The following PTPRM variants were observed in gnomAD, a reference collection of about 807,000 sequenced individuals.
PTPRM encodes protein tyrosine phosphatase receptor type M.
A neutral mutation model predicts 186.7 loss-of-function variants in PTPRM; 47 were observed. The observed-to-expected ratio is 0.25, with a 90% CI of 0.20 to 0.32. The LOEUF (loss-of-function observed/expected upper bound fraction) is 0.32. PTPRM is among the 10% of genes least tolerant of loss of function. The pLI, the probability that PTPRM is intolerant of heterozygous loss-of-function variation, is 1.00. For synonymous variants in PTPRM, 668 were observed against 674.9 expected, an observed-to-expected ratio of 0.99 and a Z score of 0.16; for missense variants, 1,494 against 1,865.0, an observed-to-expected ratio of 0.80 and a Z score of 3.66.
rs1386601013 is a variant in PTPRM at position 8,062,286 on chromosome 18, C to G, written c.1133-7400C>G. On this transcript the variant is annotated intron_variant, in intron 7 of 32. Transcript: ENST00000580170. ...GCTTCTGCATTCTTCACGTAGTTCT[C>G]GAGCCTTGGTTTTCAGCTCCATCAG... Among the ~76,000 whole-genome samples, 7 of 64,630 alleles carry G rather than the reference C, an allele frequency of 1.1e-4. 3 individuals carry two copies. Among genetic ancestry groups the G allele is most frequent in the Non-Finnish European group, 2.2e-4 (7 of 31,996 alleles). 42.4% of individuals were successfully genotyped at this position (64,630 alleles called of 152,430 possible).
chr18:8,013,354 C>G (rs1405923967), intron 7 of PTPRM, among the ~76,000 whole-genome samples: 1 of 152,060 alleles, frequency 6.6e-6, no homozygotes, highest in Non-Finnish European at 1.5e-5. Context: ...CTACTGTTGA[C>G]CAGAAGCCTT....
chr18:7,857,349 A>G (rs149872061), intron 2 of PTPRM, among the ~76,000 whole-genome samples: 1 of 152,334 alleles, frequency 6.6e-6, no homozygotes, highest in African/African-American at 2.4e-5. Context: ...GTTTTAAAAT[A>G]TGTAGCCTGC....
chr18:8,344,474 A>ATATATATATATATATATATC (rs1318982857), intron 23 of PTPRM, among the ~76,000 whole-genome samples: 55 of 147,284 alleles, frequency 3.7e-4, no homozygotes, highest in African/African-American at 1.3e-3. Context: ...ATATATATAT[A>ATATATATATATATATATATC]TCTAGCAAAA....
intron 14 of PTPRM, among the ~76,000 whole-genome samples, chr18:8,207,165 C>T (rs1375944537): frequency 6.6e-6 from 1 of 152,076 alleles, no homozygotes; most frequent in African/African-American, 2.4e-5. Context: ...AGTGGGACAG[C>T]CGAGGTCATG....
chr18:8,339,100 A>G (rs1023895507), intron 22 of PTPRM, among the ~76,000 whole-genome samples: 6 of 152,088 alleles, frequency 3.9e-5, no homozygotes, highest in African/African-American at 1.4e-4. Context: ...TAGAGAACTC[A>G]TCTTATACAA....
chr18:7,796,967 C>T (rs544562852), intron 2 of PTPRM, among the ~76,000 whole-genome samples: 1 of 152,316 alleles, frequency 6.6e-6, no homozygotes, highest in South Asian at 2.1e-4. Context: ...TTATATTTCA[C>T]ATCTGTGACA....
intron 5 of PTPRM, among the ~76,000 whole-genome samples, chr18:7,944,867 A>T (rs1185847266): frequency 6.6e-6 from 1 of 152,190 alleles, no homozygotes; most frequent in Non-Finnish European, 1.5e-5. Flanking sequence ...TGCACTGACA[A>T]CATCTCCAGG....
chr18:8,381,772 A>T (rs2148515990), intron 29 of PTPRM, among the ~76,000 whole-genome samples: 1 of 152,330 alleles, frequency 6.6e-6, no homozygotes, highest in East Asian at 1.9e-4. Flanking sequence ...CACGGCCGAA[A>T]TTTCACTAAT....
intron 3 of PTPRM, among the ~76,000 whole-genome samples, chr18:7,905,862 C>T (rs2049952843): frequency 6.6e-6 from 1 of 152,148 alleles, no homozygotes; most frequent in Non-Finnish European, 1.5e-5. Flanking sequence ...CCAGTGTGGT[C>T]AGAGAGTTAC....
intron 32 of PTPRM, among the ~76,000 whole-genome samples, chr18:8,401,741 G>T (rs1294832367): frequency 2.0e-5 from 3 of 152,258 alleles, no homozygotes; most frequent in Non-Finnish European, 4.4e-5. Flanking sequence ...CCGCCCGCTG[G>T]TGTGCTGGCC....
At chr18:8,368,918 A>T (rs551063233) in intron 23 of PTPRM, among the ~76,000 whole-genome samples, 1 of 152,206 alleles carries the variant, frequency 6.6e-6, no homozygotes, top group Non-Finnish European at 1.5e-5. Flanking sequence ...GTTTACAGTC[A>T]AACAGTGCAA....
chr18:7,951,938 T>A (rs1231265183), intron 6 of PTPRM, among the ~76,000 whole-genome samples: 1 of 152,186 alleles, frequency 6.6e-6, no homozygotes, highest in Non-Finnish European at 1.5e-5. Flanking sequence ...CCTTTTAAGG[T>A]CACACACTGA....
At chr18:8,111,101 T>G (rs538135147) in intron 11 of PTPRM, among the ~76,000 whole-genome samples, 1 of 152,302 alleles carries the variant, frequency 6.6e-6, no homozygotes, top group African/African-American at 2.4e-5. Flanking sequence ...AGTTTTCACA[T>G]TAGGAAAATG....
intron 1 of PTPRM, among the ~76,000 whole-genome samples, chr18:7,572,363 C>G (rs984770924): frequency 6.6e-6 from 1 of 151,928 alleles, no homozygotes; most frequent in Non-Finnish European, 1.5e-5. Flanking sequence ...ATAGCCTAGC[C>G]TTTAGATTTG....
rs774046458 is a variant in PTPRM at position 8,070,037 on chromosome 18, T to G, written c.1441+43T>G. 4.6e-6 allele frequency: 7 copies of G among 1,532,170 alleles called. No homozygotes were observed. In the African/African-American group the frequency reaches 8.3e-5, roughly 18 times the overall value. 94.9% of individuals were successfully genotyped at this position (1,532,170 alleles called of 1,614,324 possible). On this transcript the variant is annotated intron_variant, in intron 8 of 32. Coordinates refer to ENST00000580170, the MANE Select transcript of PTPRM (RefSeq NM_001105244.2). ...ATATGTTTGTGTAAAACATGTTCTT[T>G]CAAAAAACAACTTTTGTTTCGAGAT...
intron 7 of PTPRM, among the ~76,000 whole-genome samples, chr18:7,966,992 C>T (rs1340111464): frequency 2.6e-5 from 3 of 114,776 alleles, no homozygotes; most frequent in African/African-American, 8.3e-5. Context: ...TAGGCTCCAC[C>T]TCTGGGGGCA....
chr18:8,004,596 T>A (rs1568169127), intron 7 of PTPRM, among the ~76,000 whole-genome samples: 1 of 152,010 alleles, frequency 6.6e-6, no homozygotes, highest in Non-Finnish European at 1.5e-5. Flanking sequence ...GCATGAGGGA[T>A]GAAAGACATA....
At chr18:7,683,428 C>A (rs755810115) in intron 1 of PTPRM, among the ~76,000 whole-genome samples, 3 of 152,166 alleles carry the variant, frequency 2.0e-5, no homozygotes, top group Non-Finnish European at 4.4e-5. Flanking sequence ...CCACCTCAGC[C>A]TCCGAAAGCA....
At chr18:7,584,786 G>A (rs983550001) in intron 1 of PTPRM, among the ~76,000 whole-genome samples, 1 of 152,196 alleles carries the variant, frequency 6.6e-6, no homozygotes, top group Non-Finnish European at 1.5e-5. Context: ...GTGAAATGAG[G>A]TAGAATAATA....
Sources: allele counts gnomAD v4.1 joint callset (sites outside exome capture counted in the v4.1 genomes callset), GRCh38; gene constraint gnomAD v4.1.1; transcripts MANE v1.5; gene names NCBI Gene and HGNC (gene_info 2026-07-23, HGNC 2026-07-21).